The following CD84 variants were observed in gnomAD, a reference collection of about 807,000 sequenced individuals.
The protein encoded by CD84 is SLAM family member 5.
In CD84, 22 loss-of-function variants were observed where a neutral mutation model predicts 33.8. The observed-to-expected ratio is 0.65, with a 90% CI of 0.46 to 0.93. The LOEUF (loss-of-function observed/expected upper bound fraction) is 0.93. Ranked by LOEUF, CD84 falls within the 40% of genes least tolerant of loss-of-function variation. CD84 has a pLI of 0.00. For missense variants in CD84, 400 were observed against 397.6 expected (o/e 1.01, Z -0.05); for synonymous variants, 154 against 145.2 (o/e 1.06, Z -0.44).
chr1:160,551,643 A>C (rs1056615117), intron 4 of CD84, among the ~76,000 whole-genome samples: 1 of 152,264 alleles, frequency 6.6e-6, no homozygotes, highest in Non-Finnish European at 1.5e-5. Flanking sequence ...TTCTGGACTC[A>C]AGTGATCCTC....
intron 6 of CD84, among the ~76,000 whole-genome samples, chr1:160,549,418 A>G (rs1424838843): frequency 6.6e-6 from 1 of 152,204 alleles, no homozygotes; most frequent in Non-Finnish European, 1.5e-5. Context: ...AGAGAAGGAC[A>G]TAAGGCACAG....
chr1:160,575,055 C>T (rs1001747585), intron 1 of CD84, among the ~76,000 whole-genome samples: 3 of 152,148 alleles, frequency 2.0e-5, no homozygotes, highest in Admixed American at 6.5e-5. Flanking sequence ...TGCACAGTTG[C>T]TTAACAGACA....
At chr1:160,551,190 T>C in intron 4 of CD84, 155 bp from the exon 5 acceptor site, 1 of 649,010 alleles carries the variant, frequency 1.5e-6, no homozygotes, top group South Asian at 1.6e-5. Context: ...CCTCAGAATG[T>C]CTCAGGAGTC....
intron 6 of CD84, 100 bp downstream of exon 6, chr1:160,549,817 G>T: frequency 1.1e-6 from 1 of 886,306 alleles, no homozygotes; most frequent in Non-Finnish European, 1.9e-6. Flanking sequence ...ACTACAAGGA[G>T]TCCCAGGGGA....
chr1:160,555,903 T>C (rs1656577468), intron 2 of CD84, among the ~76,000 whole-genome samples: 1 of 152,226 alleles, frequency 6.6e-6, no homozygotes, highest in African/African-American at 2.4e-5. Context: ...ATTCTGGTCC[T>C]AACAATCTTT....
At chr1:160,556,477 A>G (rs1036073783) in intron 2 of CD84, among the ~76,000 whole-genome samples, 2 of 152,140 alleles carry the variant, frequency 1.3e-5, no homozygotes, top group East Asian at 1.9e-4. Context: ...TTACTTATCT[A>G]TCATCTATCT....
intron 6 of CD84, 98 bp downstream of exon 6, chr1:160,549,819 C>T (rs1656078199): frequency 1.1e-6 from 1 of 907,114 alleles, no homozygotes; most frequent in Non-Finnish European, 1.9e-6. Flanking sequence ...TACAAGGAGT[C>T]CCAGGGGAAC....
intron 2 of CD84, among the ~76,000 whole-genome samples, chr1:160,561,202 G>C (rs1324832841): frequency 1.3e-5 from 2 of 152,076 alleles, no homozygotes; most frequent in Non-Finnish European, 2.9e-5. Context: ...ACCTGGTAGA[G>C]ATAAAACCAA....
Position 160,551,141 on chromosome 1 carries a change from G to A in CD84, c.761-106C>T, listed in dbSNP as rs975915209. On this transcript the variant is annotated intron_variant, in intron 4 of 6. Coordinates refer to ENST00000368054, the MANE Select transcript of CD84 (RefSeq NM_003874.4). The stretch of plus-strand genomic sequence containing the variant: ...AAGATGAAGAAAGGAAGCCCCCAGG[G>A]ATTAAATGGCTGCCATCCTTTGAAA... 1.4e-5 allele frequency: 12 copies of A among 842,994 alleles called. 1 individual carries two copies. The South Asian group carries it at 1.7e-4, about 12-fold the overall frequency. The allele number at this position is 842,994 out of a possible 1,614,324, so 52.2% of individuals were successfully genotyped here.
intron 2 of CD84, among the ~76,000 whole-genome samples, chr1:160,565,040 C>T (rs77695664): frequency 0.011 from 1,647 of 152,200 alleles, 28 homozygotes; most frequent in African/African-American, 0.037. Flanking sequence ...TTTATTTGTA[C>T]CTTCTTTGCA....
chr1:160,573,847 A>T (rs1045609706), intron 1 of CD84, among the ~76,000 whole-genome samples: 1 of 152,164 alleles, frequency 6.6e-6, no homozygotes, highest in African/African-American at 2.4e-5. Flanking sequence ...TCCTCCAAGA[A>T]CTAGTGGATG....
Position 160,559,611 on chromosome 1 carries a change from G to T in CD84, c.389-5465C>A, listed in dbSNP as rs552737564. Among the ~76,000 whole-genome samples the T allele has an allele frequency of 2.0e-5, 3 of 152,066 alleles. No homozygotes were observed. In the South Asian group the frequency reaches 6.2e-4, roughly 32 times the overall value. ...TAACCAGCTAGCATAATGATGACACGATCAAATTCACACATAACAACACTA... is the reference window on the plus strand; with the variant it reads ...TAACCAGCTAGCATAATGATGACACTATCAAATTCACACATAACAACACTA... On this transcript the variant is annotated intron_variant, in intron 2 of 6. Coordinates refer to ENST00000368054, the MANE Select transcript of CD84 (RefSeq NM_003874.4).
intron 6 of CD84, among the ~76,000 whole-genome samples, 189 bp from the exon 7 acceptor site, chr1:160,548,510 C>T (rs542184627): frequency 1.3e-5 from 2 of 152,126 alleles, no homozygotes; most frequent in South Asian, 4.1e-4. Context: ...CCAGCTACCC[C>T]CCATTTGGGA....
intron 2 of CD84, among the ~76,000 whole-genome samples, chr1:160,562,316 C>A (rs868790258): frequency 1.3e-5 from 2 of 152,208 alleles, no homozygotes; most frequent in Non-Finnish European, 2.9e-5. Context: ...CACTACCCAA[C>A]TTCAAACTAT....
At chr1:160,551,229 A>G (rs11585158) in intron 4 of CD84, 194 bp from the exon 5 acceptor site, 5,753 of 564,300 alleles carry the variant, frequency 0.01, 67 homozygotes, top group Middle Eastern at 0.022. Context: ...CCACAGGTCA[A>G]TGGGAATTCT....
chr1:160,569,554 GCACGCACA>G (rs983888211), intron 1 of CD84, among the ~76,000 whole-genome samples: 2 of 150,994 alleles, frequency 1.3e-5, no homozygotes, highest in Non-Finnish European at 2.9e-5. Flanking sequence ...ACGCACGCAC[GCACGCACA>G]CACACAATTC....
rs1655728926 is a variant in CD84 at position 160,544,786 on chromosome 1, C to T, written c.*3470G>A. On this transcript the variant is annotated 3_prime_UTR_variant, in exon 7 of 7. Coordinates refer to ENST00000368054, the MANE Select transcript of CD84 (RefSeq NM_003874.4). ...TCTAAGAATCATGAGCTGCAACATT[C>T]CTCATTTTCTCAGTTGAGTCCCTCA... 1 of 152,218 alleles carries T rather than the reference C, an allele frequency of 6.6e-6. No individual in the cohort carries two copies. The highest frequency in any genetic ancestry group is 1.5e-5 in the Non-Finnish European group (1 of 68,060). The allele number at this position is 152,218 out of a possible 1,614,324, so 9.4% of individuals were successfully genotyped here. A position where few individuals can be genotyped will look rare whatever the true frequency, so the allele number is the denominator to read the frequency against.
In CD84 at chr1:160,546,449, A is replaced by C. The variant is rs960117308; in HGVS notation, c.*1807T>G. The C allele has an allele frequency of 3.9e-5, 6 of 152,250 alleles. No homozygotes were observed. The highest frequency in any genetic ancestry group is 1.4e-4 in the African/African-American group (6 of 41,458). 9.4% of individuals were successfully genotyped at this position (152,250 alleles called of 1,614,324 possible). A position where few individuals can be genotyped will look rare whatever the true frequency, so the allele number is the denominator to read the frequency against. On this transcript the variant is annotated 3_prime_UTR_variant, in exon 7 of 7. Coordinates refer to ENST00000368054, the MANE Select transcript of CD84 (RefSeq NM_003874.4). ...CTGATTAATTTTGATTCCTGATACC[A>C]GGGAAAGCTTTACAGAAGAGGTACC...
At chr1:160,574,093 A>T (rs897038192) in intron 1 of CD84, among the ~76,000 whole-genome samples, 14 of 143,218 alleles carry the variant, frequency 9.8e-5, no homozygotes, top group African/African-American at 3.3e-4. Flanking sequence ...ACTCTGTCTC[A>T]AAACAAAAAA....
Sources: gnomAD v4.1 joint callset for allele counts (sites outside exome capture counted in the v4.1 genomes callset) on GRCh38, gnomAD v4.1.1 for gene constraint, MANE v1.5 for transcripts, NCBI Gene and HGNC (gene_info 2026-07-23, HGNC 2026-07-21) for gene names.